The following SNRNP40 variants were observed in gnomAD, a reference collection of about 807,000 sequenced individuals.
The protein encoded by SNRNP40 is U5 small nuclear ribonucleoprotein 40 kDa protein.
In SNRNP40, 21 loss-of-function variants were observed where a neutral mutation model predicts 45.8. The observed-to-expected ratio is 0.46, with a 90% confidence interval of 0.32 to 0.66. The LOEUF (loss-of-function observed/expected upper bound fraction) is 0.66. SNRNP40 is among the 30% of genes least tolerant of loss of function. The pLI, the probability that SNRNP40 is intolerant of heterozygous loss-of-function variation, is 0.03. For missense variants in SNRNP40, 344 were observed against 439.1 expected, an observed-to-expected ratio of 0.78 and a Z score of 1.94; for synonymous variants, 142 against 163.8, an observed-to-expected ratio of 0.87 and a Z score of 1.01.
rs1646085347 is a variant in SNRNP40 at position 31,289,307 on chromosome 1, C to A, written c.478G>T (p.Ala160Ser). ...HTSFVNSCYP[A>S]RRGPQLVCTG... is the part of the protein sequence containing the mutation. Reference sequence around the variant, plus strand: ...CAGACAAGCTGAGGGCCTCTCCTGGCTGGATAACAGGAATTCACAAAGGAA... The same window carrying A: ...CAGACAAGCTGAGGGCCTCTCCTGGATGGATAACAGGAATTCACAAAGGAA... The change falls in exon 4 of 10, where the codon GCC (alanine) becomes TCC (serine). Residue 160 changes from alanine to serine, a missense_variant. Transcript: ENST00000263694. 1 of 1,613,794 alleles carries A rather than the reference C, an allele frequency of 6.2e-7. No homozygotes were observed. The highest frequency in any genetic ancestry group is 1.7e-5 in the Admixed American group (1 of 59,994).
chr1:31,267,998 A>C, intron 7 of SNRNP40, 66 bp from the exon 8 acceptor site: 1 of 1,087,298 alleles, frequency 9.2e-7, no homozygotes, highest in Non-Finnish European at 1.4e-6. Context: ...CTACCGAATC[A>C]CTAAGAGGCT....
chr1:31,262,699 G>A (rs1557672222), intron 8 of SNRNP40, among the ~76,000 whole-genome samples: 1 of 151,852 alleles, frequency 6.6e-6, no homozygotes, highest in Non-Finnish European at 1.5e-5. Context: ...ATGTTCTTAG[G>A]AAGACAAAAT....
At chr1:31,270,705 T>C (rs571545629) in intron 6 of SNRNP40, among the ~76,000 whole-genome samples, 4 of 152,348 alleles carry the variant, frequency 2.6e-5, no homozygotes, top group South Asian at 4.1e-4. Context: ...CCAATGAATG[T>C]CAGGTATTGT....
At chr1:31,288,173 A>G (rs1014499802) in intron 4 of SNRNP40, among the ~76,000 whole-genome samples, 1 of 152,256 alleles carries the variant, frequency 6.6e-6, no homozygotes, top group East Asian at 1.9e-4. Flanking sequence ...AAAGAAAAAA[A>G]AAAAAAAGCA....
rs1160675349 is a variant in SNRNP40, at chr1:31,262,541, AAAAGAG to A, written c.921-915_921-910del. 8.1e-4 allele frequency among the ~76,000 whole-genome samples: 80 copies of A among 98,838 alleles called. 6 individuals are homozygous for A. Among genetic ancestry groups the A allele is most frequent in the South Asian group, 2.1e-3 (8 of 3,726 alleles). 64.8% of individuals were successfully genotyped at this position (98,838 alleles called of 152,430 possible). A position where few individuals can be genotyped will look rare whatever the true frequency, so the allele number is the denominator to read the frequency against. ...ATCTCCAAAAAAAAAAAAAAAAAAA[AAAAGAG>A]GAGAAAAAAGAAATCAGCTTCTCTA... On this transcript the variant is annotated intron_variant, in intron 8 of 9. Transcript: ENST00000263694.
At chr1:31,291,288 C>CAAAAAAAAAAAAAAAAA (rs55857301) in intron 3 of SNRNP40, among the ~76,000 whole-genome samples, 1 of 128,664 alleles carries the variant, frequency 7.8e-6, no homozygotes, top group Non-Finnish European at 1.6e-5. Flanking sequence ...AATTCCGTCT[C>CAAAAAAAAAAAAAAAAA]AAAAAAAAAA....
At chr1:31,277,847 A>C (rs565039021) in intron 5 of SNRNP40, among the ~76,000 whole-genome samples, 3 of 152,318 alleles carry the variant, frequency 2.0e-5, no homozygotes, top group South Asian at 4.1e-4. Context: ...GGCGCATGCC[A>C]CCATGCCTGG....
At chr1:31,275,555 A>G (rs190362184) in intron 5 of SNRNP40, among the ~76,000 whole-genome samples, 1 of 152,012 alleles carries the variant, frequency 6.6e-6, no homozygotes, top group African/African-American at 2.4e-5. Flanking sequence ...ACGCGCAGCT[A>G]ATTTTTGTAT....
At chr1:31,271,339 T>C in intron 6 of SNRNP40, 40 bp downstream of exon 6, 2 of 1,591,644 alleles carry the variant, frequency 1.3e-6, no homozygotes, top group African/African-American at 1.4e-5. Flanking sequence ...TCTTTGACTT[T>C]TTCCTTGGAT....
intron 5 of SNRNP40, among the ~76,000 whole-genome samples, chr1:31,274,500 C>T (rs545700971): frequency 2.0e-5 from 3 of 152,162 alleles, no homozygotes; most frequent in East Asian, 1.9e-4. Context: ...CTCAGCCTCC[C>T]GAAGTGCTGG....
intron 8 of SNRNP40, chr1:31,261,897 C>T (rs752528896): frequency 3.5e-6 from 1 of 284,628 alleles, no homozygotes; most frequent in Non-Finnish European, 6.5e-6. Context: ...TGGGAAACAC[C>T]ACAGGGAAGA....
chr1:31,278,760 A>G (rs1645993002), intron 5 of SNRNP40, among the ~76,000 whole-genome samples: 1 of 152,204 alleles, frequency 6.6e-6, no homozygotes, highest in South Asian at 2.1e-4. Flanking sequence ...CAAGGACCTG[A>G]TGCTTAAGAT....
intron 4 of SNRNP40, among the ~76,000 whole-genome samples, chr1:31,282,675 C>T (rs1336408145): frequency 6.6e-6 from 1 of 151,352 alleles, no homozygotes; most frequent in Non-Finnish European, 1.5e-5. Context: ...TATCTAATCT[C>T]TATCTATCTA....
At position 31,260,957 on chromosome 1, in the gene SNRNP40, A is replaced by C; in HGVS notation, c.1024+572T>G. 2.6e-6 allele frequency: 3 copies of C among 1,150,856 alleles called. No homozygotes were observed. In the South Asian group the frequency reaches 4.6e-5, roughly 17 times the overall value. The allele number at this position is 1,150,856 out of a possible 1,614,324, so 71.3% of individuals were successfully genotyped here. On this transcript the variant is annotated intron_variant, in intron 9 of 9. Transcript: ENST00000263694. ...ATTTAAAAAAAAATTAGACTTACCA[A>C]CTTCCCTTTGAGATCAAGAAGAAAA... is the stretch of plus-strand genomic sequence containing the variant.
intron 1 of SNRNP40, among the ~76,000 whole-genome samples, chr1:31,293,722 C>G (rs1389114761): frequency 6.6e-6 from 1 of 152,134 alleles, no homozygotes; most frequent in Non-Finnish European, 1.5e-5. Context: ...GCCAGGACTA[C>G]AGGCATGAAC....
rs761668672 is a variant in SNRNP40 at position 31,291,837 on chromosome 1, C to T, written c.365+76G>A. The T allele has an allele frequency of 9.5e-6, 10 of 1,053,538 alleles. No individual in the cohort carries two copies. In the East Asian group the frequency reaches 9.6e-5, roughly 10 times the overall value. 65.3% of individuals were successfully genotyped at this position (1,053,538 alleles called of 1,614,324 possible). A position where few individuals can be genotyped will look rare whatever the true frequency, so the allele number is the denominator to read the frequency against. ...TAGTAGTTTTTGATAGCAGGGTCTCCTGAGAAAGGATGAAAGGTGAAAGGA... is the reference window on the plus strand; with the variant it reads ...TAGTAGTTTTTGATAGCAGGGTCTCTTGAGAAAGGATGAAAGGTGAAAGGA... On this transcript the variant is annotated intron_variant, in intron 3 of 9. Coordinates refer to ENST00000263694, the MANE Select transcript of SNRNP40 (RefSeq NM_004814.3).
chr1:31,280,682 C>G (rs1470691217), intron 5 of SNRNP40, among the ~76,000 whole-genome samples: 1 of 151,986 alleles, frequency 6.6e-6, no homozygotes, highest in Admixed American at 6.6e-5. Context: ...CATTTCCTGG[C>G]ACTTGTTATG....
At chr1:31,260,776 C>T (rs866375607) in intron 9 of SNRNP40, among the ~76,000 whole-genome samples, 20 of 146,466 alleles carry the variant, frequency 1.4e-4, no homozygotes, top group African/African-American at 3.8e-4. Context: ...GCAGGAGAAT[C>T]GCTTGAACCT....
intron 1 of SNRNP40, among the ~76,000 whole-genome samples, chr1:31,296,313 C>T (rs1646156419): frequency 6.6e-6 from 1 of 152,172 alleles, no homozygotes; most frequent in South Asian, 2.1e-4. Context: ...TATGCCAGAT[C>T]CATGTTAGAG....
Sources: allele counts gnomAD v4.1 joint callset (sites outside exome capture counted in the v4.1 genomes callset), GRCh38; gene constraint gnomAD v4.1.1; transcripts MANE v1.5; gene names NCBI Gene and HGNC (gene_info 2026-07-23, HGNC 2026-07-21).